Variants in SAMD12 observed in about 807,000 individuals in gnomAD.
SAMD12 encodes the protein sterile alpha motif domain-containing protein 12.
A neutral mutation model predicts 15.0 loss-of-function variants in SAMD12; 9 were observed. The ratio of observed to expected loss-of-function variants is 0.60; its 90% CI spans 0.36 to 1.05. The LOEUF (loss-of-function observed/expected upper bound fraction) is 1.05, where lower values mean the gene tolerates loss of function less well. Among genes scored for constraint, SAMD12 ranks in the 50% least tolerant of loss-of-function variants. SAMD12 has a pLI of 0.01. For synonymous variants in SAMD12, 86 were observed against 90.1 expected, an observed-to-expected ratio of 0.96 and a Z score of 0.25; for missense variants, 230 against 234.2, an observed-to-expected ratio of 0.98 and a Z score of 0.12.
intron 2 of SAMD12, among the ~76,000 whole-genome samples, chr8:118,580,481 T>C (rs1228675512): frequency 6.6e-6 from 1 of 152,204 alleles, no homozygotes; most frequent in Non-Finnish European, 1.5e-5. Context: ...TTCTTCTCTA[T>C]AACCTCAGAG....
chr8:118,472,338 C>G (rs2514998), intron 2 of SAMD12, among the ~76,000 whole-genome samples: 1 of 151,770 alleles, frequency 6.6e-6, no homozygotes, highest in Admixed American at 6.6e-5. Flanking sequence ...ACCTTTCAGA[C>G]TGTTGTCAGG....
chr8:118,309,088 A>G (rs1021466487), intron 4 of SAMD12, among the ~76,000 whole-genome samples: 13 of 152,164 alleles, frequency 8.5e-5, no homozygotes, highest in Admixed American at 6.5e-5. Context: ...TGGTGCACCC[A>G]TCACCTGAGC....
At chr8:118,399,699 TGAG>T (rs1288793423) in intron 3 of SAMD12, among the ~76,000 whole-genome samples, 1 of 152,162 alleles carries the variant, frequency 6.6e-6, no homozygotes, top group Non-Finnish European at 1.5e-5. Context: ...GTATTGAACA[TGAG>T]GACACCACCC....
chr8:118,288,551 A>G (rs1366492348), intron 4 of SAMD12, among the ~76,000 whole-genome samples: 1 of 152,258 alleles, frequency 6.6e-6, no homozygotes, highest in Non-Finnish European at 1.5e-5. Context: ...CAATTAGTCC[A>G]CAATAACTAG....
At chr8:118,197,485 G>A (rs1819597790) in exon 5 of SAMD12, 1 of 590,986 alleles carries the variant, frequency 1.7e-6, no homozygotes, top group Non-Finnish European at 3.0e-6. Flanking sequence ...TGACCACTTG[G>A]AATGAGTTGG....
At chr8:118,534,355 G>T (rs547726605) in intron 2 of SAMD12, among the ~76,000 whole-genome samples, 6 of 152,066 alleles carry the variant, frequency 3.9e-5, no homozygotes, top group South Asian at 2.1e-4. Context: ...ACCCGACCTT[G>T]CTCTCTGGCT....
intron 3 of SAMD12, among the ~76,000 whole-genome samples, chr8:118,404,928 T>C (rs893919084): frequency 1.3e-5 from 2 of 152,118 alleles, no homozygotes; most frequent in African/African-American, 2.4e-5. Flanking sequence ...TCCCAAAGTG[T>C]TGGGGCTACA....
At chr8:118,599,798 A>G (rs370015209) in intron 1 of SAMD12, among the ~76,000 whole-genome samples, 11 of 152,280 alleles carry the variant, frequency 7.2e-5, no homozygotes, top group South Asian at 6.2e-4. Flanking sequence ...CTCTCCCACC[A>G]TATGTAAACC....
At chr8:118,290,860 T>C (rs1814322094) in intron 4 of SAMD12, among the ~76,000 whole-genome samples, 1 of 152,214 alleles carries the variant, frequency 6.6e-6, no homozygotes, top group African/African-American at 2.4e-5. Flanking sequence ...TAATTAGTCT[T>C]TTTCCAGTGT....
At chr8:118,620,078 G>A (rs556768823) in intron 1 of SAMD12, among the ~76,000 whole-genome samples, 1 of 152,288 alleles carries the variant, frequency 6.6e-6, no homozygotes, top group Non-Finnish European at 1.5e-5. Flanking sequence ...TCCTTCCTAA[G>A]TTCTTGTTTT....
At chr8:118,255,752 C>G (rs1290253094) in intron 4 of SAMD12, among the ~76,000 whole-genome samples, 2 of 151,878 alleles carry the variant, frequency 1.3e-5, no homozygotes, top group Non-Finnish European at 2.9e-5. Flanking sequence ...TCCAGTCTAT[C>G]ATTGTTGGAC....
intron 3 of SAMD12, among the ~76,000 whole-genome samples, chr8:118,394,414 T>C (rs1169803357): frequency 6.6e-6 from 1 of 152,232 alleles, no homozygotes; most frequent in Admixed American, 6.5e-5. Flanking sequence ...AAGATGTCTA[T>C]TTCCCTCCTC....
chr8:118,502,536 CTG>C (rs1824814041), intron 2 of SAMD12, among the ~76,000 whole-genome samples: 1 of 152,146 alleles, frequency 6.6e-6, no homozygotes, highest in Admixed American at 6.5e-5. Context: ...TTTCTAATAA[CTG>C]TGTAAAAGTC....
chr8:118,478,047 C>G (rs1424217675), intron 2 of SAMD12, among the ~76,000 whole-genome samples: 1 of 149,030 alleles, frequency 6.7e-6, no homozygotes, highest in Admixed American at 6.7e-5. Context: ...TATATATATT[C>G]AATAATATTG....
intron 2 of SAMD12, among the ~76,000 whole-genome samples, chr8:118,445,866 G>A (rs556370482): frequency 1.8e-4 from 27 of 152,140 alleles, no homozygotes; most frequent in African/African-American, 5.5e-4. Context: ...TAGTTTTTTC[G>A]TCTGTTCTGC....
the SAMD12 span, among the ~76,000 whole-genome samples, chr8:118,161,026 G>A: frequency 6.6e-6 from 1 of 152,020 alleles, no homozygotes; most frequent in Non-Finnish European, 1.5e-5. Context: ...TCCCACCTAT[G>A]AGTGAGAACA....
In SAMD12 at chr8:118,290,737, T is replaced by C. The variant is rs144717321; in HGVS notation, c.433+88823A>G. Among the ~76,000 whole-genome samples the C allele has an allele frequency of 6.7e-3, 1,013 of 152,292 alleles. 14 individuals are homozygous for C. Among genetic ancestry groups the C allele is most frequent in the African/African-American group, 0.023 (960 of 41,568 alleles). On this transcript the variant is annotated intron_variant, in intron 4 of 4. Coordinates refer to the SAMD12 transcript ENST00000409003. Reference sequence around the variant, plus strand: ...GGGATCTTGCAAAAAGTAAAACTCATAGGGAAACTAAGTTCTGAGTGGGAA... The same window carrying C: ...GGGATCTTGCAAAAAGTAAAACTCACAGGGAAACTAAGTTCTGAGTGGGAA...
exon 5 of SAMD12, chr8:118,194,957 A>G (rs1340892844): frequency 6.6e-6 from 1 of 152,246 alleles, no homozygotes; most frequent in African/African-American, 2.4e-5. Flanking sequence ...TTGGAAAAGA[A>G]TAGTAGTTCA....
At chr8:118,586,063 G>C (rs1047901121) in intron 1 of SAMD12, among the ~76,000 whole-genome samples, 1 of 152,114 alleles carries the variant, frequency 6.6e-6, no homozygotes, top group Non-Finnish European at 1.5e-5. Flanking sequence ...GCCTTGAATA[G>C]AGACACTGTG....
Sources: gnomAD v4.1 joint callset for allele counts (sites outside exome capture counted in the v4.1 genomes callset) on GRCh38, gnomAD v4.1.1 for gene constraint, MANE v1.5 for transcripts, NCBI Gene and HGNC (gene_info 2026-07-23, HGNC 2026-07-21) for gene names.